Variants in DNAH6 observed in about 807,000 individuals in gnomAD.
DNAH6 encodes axonemal beta dynein heavy chain 6.
In DNAH6, 340 loss-of-function variants were observed where a neutral mutation model predicts 491.4. The observed-to-expected ratio is 0.69, with a 90% CI of 0.63 to 0.76. The LOEUF is 0.76. DNAH6 is among the 30% of genes least tolerant of loss of function. The probability of loss-of-function intolerance (pLI) is 0.00; values close to 1 mark genes in which losing one functional copy is unlikely to be tolerated. For synonymous variants in DNAH6, 1,603 were observed against 1,686.1 expected (o/e 0.95, Z 1.21); for missense variants, 4,443 against 4,972.2 (o/e 0.89, Z 3.20).
Position 84,557,939 on chromosome 2 carries a change from T to C in DNAH6, c.1803+4T>C, listed in dbSNP as rs1465503211. 1.3e-6 allele frequency: 2 copies of C among 1,573,688 alleles called. No homozygotes were observed. The highest frequency in any genetic ancestry group is 2.2e-5 in the South Asian group (2 of 89,130). On this transcript the variant is annotated splice_donor_region_variant and intron_variant, in intron 11 of 76. Coordinates refer to ENST00000389394, the MANE Select transcript of DNAH6 (RefSeq NM_001370.2). ...CACAATTATTTCTCAAATAAAGGTATGTTTACTCTGACTAAAACTATTCTA... is the reference window on the plus strand; with the variant it reads ...CACAATTATTTCTCAAATAAAGGTACGTTTACTCTGACTAAAACTATTCTA...
intron 4 of DNAH6, among the ~76,000 whole-genome samples, chr2:84,543,815 A>G (rs1344983182): frequency 6.6e-6 from 1 of 152,158 alleles, no homozygotes; most frequent in African/African-American, 2.4e-5. Context: ...ATCTCACCTA[A>G]TTAATGTTTC....
At chr2:84,474,878 G>A in the DNAH6 span, among the ~76,000 whole-genome samples, 1 of 152,162 alleles carries the variant, frequency 6.6e-6, no homozygotes, top group Non-Finnish European at 1.5e-5. Flanking sequence ...TAGTTACTGT[G>A]CAAATAGGTT....
chr2:84,700,314 G>T (rs760092907), intron 48 of DNAH6, among the ~76,000 whole-genome samples: 95 of 152,294 alleles, frequency 6.2e-4, no homozygotes, highest in Non-Finnish European at 7.8e-4. Flanking sequence ...GCCTACCCCT[G>T]AGTAACAGGT....
chr2:84,747,584 T>C (rs999860643), intron 63 of DNAH6, among the ~76,000 whole-genome samples: 6 of 152,168 alleles, frequency 3.9e-5, no homozygotes, highest in African/African-American at 1.2e-4. Context: ...GTTGAATGCT[T>C]ATGGCTTTCC....
chr2:84,615,006 G>A (rs767076390), intron 22 of DNAH6, among the ~76,000 whole-genome samples: 1 of 151,904 alleles, frequency 6.6e-6, no homozygotes. Flanking sequence ...CTTTTGCTGT[G>A]CAGAAGCTTT....
intron 37 of DNAH6, 129 bp downstream of exon 37, chr2:84,659,298 C>A: frequency 2.0e-6 from 1 of 499,978 alleles, no homozygotes; most frequent in Non-Finnish European, 3.1e-6. Flanking sequence ...TAAAATTATT[C>A]ATGTTTTTCC....
the DNAH6 span, among the ~76,000 whole-genome samples, chr2:84,464,984 G>T: frequency 2.6e-5 from 4 of 152,084 alleles, no homozygotes; most frequent in Admixed American, 1.3e-4. Flanking sequence ...TTTTATAAGA[G>T]AACCCTTAAT....
chr2:84,694,536 G>A (rs2104795398), intron 46 of DNAH6, 56 bp downstream of exon 46: 4 of 1,303,556 alleles, frequency 3.1e-6, no homozygotes, highest in Admixed American at 2.0e-5. Flanking sequence ...TGTTACAATC[G>A]GGTGTGTGCT....
rs760148643 is a variant in DNAH6 at position 84,616,894 on chromosome 2, G to A, written c.3484G>A (p.Glu1162Lys). The A allele has an allele frequency of 8.9e-6, 13 of 1,466,922 alleles. No individual in the cohort carries two copies. The African/African-American group carries it at 1.8e-4, about 20-fold the overall frequency. 90.9% of individuals were successfully genotyped at this position (1,466,922 alleles called of 1,614,324 possible). ...TTTTTTTTAATGAACAGGACTTCTG[G>A]AAACTTTTCAAAACAATAATGCATT... ...LRAATQPGLL[E>K]TFQNNNALLD... is the part of the protein sequence containing the mutation. The change falls in exon 23 of 77, where the codon GAA becomes AAA. Residue 1162 changes from glutamate (E) to lysine (K), a missense_variant. This residue lies in a region of DNAH6 where 2,977 missense variants were observed against 3,296.6 expected (regional missense o/e 0.90). Transcript: ENST00000389394.
chr2:84,796,630 C>T (rs557297256), intron 69 of DNAH6, among the ~76,000 whole-genome samples: 14 of 152,154 alleles, frequency 9.2e-5, no homozygotes, highest in South Asian at 2.1e-4. Flanking sequence ...CTTTGAATTA[C>T]TTCGATTTTA....
At chr2:84,713,653 T>C (rs929255087) in intron 57 of DNAH6, among the ~76,000 whole-genome samples, 30 of 152,220 alleles carry the variant, frequency 2.0e-4, no homozygotes, top group Admixed American at 1.9e-3. Context: ...CCTGTTATTA[T>C]GACTAGTAAA....
At chr2:84,644,155 C>T (rs750935731) in intron 33 of DNAH6, among the ~76,000 whole-genome samples, 2 of 152,070 alleles carry the variant, frequency 1.3e-5, no homozygotes, top group Non-Finnish European at 2.9e-5. Flanking sequence ...TTCTTCTCCC[C>T]GTTAGGTGGT....
chr2:84,581,136 T>C (rs1012500941), intron 14 of DNAH6, among the ~76,000 whole-genome samples: 1 of 152,192 alleles, frequency 6.6e-6, no homozygotes, highest in Non-Finnish European at 1.5e-5. Context: ...TCCTATTCTG[T>C]TCTATAAACT....
chr2:84,778,909 G>A (rs1333299317), intron 64 of DNAH6, among the ~76,000 whole-genome samples: 1 of 152,168 alleles, frequency 6.6e-6, no homozygotes, highest in Non-Finnish European at 1.5e-5. Flanking sequence ...TTACCCAAAA[G>A]TCACTCAGAA....
chr2:84,781,479 G>A lies in DNAH6; in HGVS notation c.10704-14G>A. ...TAGCATAAGATGATATTGTGTTCTT[G>A]CTGTTCAATTCAGGGTGCAGTCAAT... On this transcript the variant is annotated splice_polypyrimidine_tract_variant and intron_variant, in intron 64 of 76. Coordinates refer to ENST00000389394, the MANE Select transcript of DNAH6 (RefSeq NM_001370.2). 6.5e-7 allele frequency: 1 copy of A among 1,540,152 alleles called. No homozygotes were observed.
intron 12 of DNAH6, among the ~76,000 whole-genome samples, chr2:84,576,655 A>T (rs1208474422): frequency 1.3e-5 from 2 of 152,202 alleles, no homozygotes; most frequent in African/African-American, 4.8e-5. Context: ...AGTATATTCA[A>T]GGATAATGAG....
intron 64 of DNAH6, among the ~76,000 whole-genome samples, chr2:84,779,717 G>C (rs1179091297): frequency 6.6e-6 from 1 of 152,036 alleles, no homozygotes; most frequent in Non-Finnish European, 1.5e-5. Flanking sequence ...TTGTGTAGTT[G>C]CTTTATAGAG....
chr2:84,559,486 GTAGTGAGCCAAGA>G (rs1195469036), intron 11 of DNAH6, among the ~76,000 whole-genome samples: 1 of 152,200 alleles, frequency 6.6e-6, no homozygotes, highest in Non-Finnish European at 1.5e-5. Context: ...GGCAAAGGCT[GTAGTGAGCCAAGA>G]TCATGCCACT....
chr2:84,747,746 G>T (rs1217330807), intron 63 of DNAH6, among the ~76,000 whole-genome samples: 1 of 152,146 alleles, frequency 6.6e-6, no homozygotes, highest in Non-Finnish European at 1.5e-5. Flanking sequence ...CACCCCTACA[G>T]CAGGCTTCTT....
Sources: allele counts gnomAD v4.1 joint callset (sites outside exome capture counted in the v4.1 genomes callset), GRCh38; gene constraint gnomAD v4.1.1; regional missense constraint gnomAD v4.1.1; transcripts MANE v1.5; gene names NCBI Gene and HGNC (gene_info 2026-07-23, HGNC 2026-07-21).